CUX1: variants seen among roughly 807,000 people sequenced by gnomAD.
The protein encoded by CUX1 is protein CASP.
CUX1 carries 31 observed loss-of-function variants against 158.8 expected under a neutral mutation model. The observed-to-expected ratio is 0.20, with a 90% CI of 0.15 to 0.26. CUX1 has a LOEUF of 0.26. Among genes scored for constraint, CUX1 ranks in the 10% least tolerant of loss-of-function variants. The probability of loss-of-function intolerance (pLI) is 1.00; values close to 1 mark genes in which losing one functional copy is unlikely to be tolerated. For missense variants in CUX1, 1,589 were observed against 2,014.6 expected, an observed-to-expected ratio of 0.79 and a Z score of 4.04; for synonymous variants, 879 against 862.1, an observed-to-expected ratio of 1.02 and a Z score of -0.34.
At chr7:102,222,817 T>TTTTTTTTTTTTTTTTTTTC (rs1797950078) in intron 20 of CUX1, among the ~76,000 whole-genome samples, 1 of 47,476 alleles carries the variant, frequency 2.1e-5, no homozygotes, top group Non-Finnish European at 4.3e-5. Flanking sequence ...GTATCTTTTT[T>TTTTTTTTTTTTTTTTTTTC]TTTTTTTTTT....
chr7:102,062,240 T>G (rs1391062839), intron 3 of CUX1, among the ~76,000 whole-genome samples: 1 of 152,156 alleles, frequency 6.6e-6, no homozygotes, highest in Non-Finnish European at 1.5e-5. Context: ...ACACCACAAG[T>G]CACGTGGCAG....
At chr7:102,193,210 C>T (rs1794462403) in intron 12 of CUX1, among the ~76,000 whole-genome samples, 1 of 152,250 alleles carries the variant, frequency 6.6e-6, no homozygotes, top group Non-Finnish European at 1.5e-5. Context: ...CTCTCTCTGG[C>T]TTCTCCTTAC....
At chr7:102,060,411 C>T (rs945784685) in intron 3 of CUX1, among the ~76,000 whole-genome samples, 4 of 151,764 alleles carry the variant, frequency 2.6e-5, no homozygotes, top group African/African-American at 4.8e-5. Flanking sequence ...GATTTATTAG[C>T]GAAGGTTAGT....
chr7:102,241,129 C>T (rs1280998558), intron 23 of CUX1, among the ~76,000 whole-genome samples: 1 of 152,166 alleles, frequency 6.6e-6, no homozygotes. Context: ...CAGTTCTCTT[C>T]ATTCTACAGA....
At chr7:102,166,803 A>G (rs782086846) in intron 9 of CUX1, among the ~76,000 whole-genome samples, 12 of 151,802 alleles carry the variant, frequency 7.9e-5, no homozygotes, top group Non-Finnish European at 1.5e-4. Context: ...TTTTTTTTCG[A>G]CGCCCTCAGG....
At chr7:102,205,007 T>G in intron 19 of CUX1, 107 bp from the exon 20 acceptor site, 1 of 668,164 alleles carries the variant, frequency 1.5e-6, no homozygotes, top group Non-Finnish European at 2.5e-6. Flanking sequence ...TGCCCGCCCC[T>G]CCCCAGGAGG....
chr7:102,204,973 G>A (rs1050790907), intron 19 of CUX1, 141 bp from the exon 20 acceptor site: 20 of 633,996 alleles, frequency 3.2e-5, no homozygotes, highest in Admixed American at 5.6e-5. Flanking sequence ...CAACAGCAGC[G>A]CCTCCCCGGC....
intron 2 of CUX1, among the ~76,000 whole-genome samples, chr7:102,001,641 G>C (rs1476637902): frequency 6.6e-6 from 1 of 152,204 alleles, no homozygotes; most frequent in Non-Finnish European, 1.5e-5. Flanking sequence ...ACCGCGCCCG[G>C]CCCCGTTTGG....
At chr7:102,060,287 A>AG (rs1824647591) in intron 3 of CUX1, among the ~76,000 whole-genome samples, 1 of 151,890 alleles carries the variant, frequency 6.6e-6, no homozygotes. Flanking sequence ...CAAAAAAAAA[A>AG]AATGTTGCTT....
chr7:102,273,617 C>G (rs1197961747), intron 15 of CUX1: 4 of 1,220,122 alleles, frequency 3.3e-6, no homozygotes, highest in Non-Finnish European at 3.4e-6. Flanking sequence ...GAAGGGCTGT[C>G]ACCTAAAACC....
At position 101,916,080 on chromosome 7, in the gene CUX1, A is replaced by T; in HGVS notation, c.31-35A>T. On this transcript the variant is annotated intron_variant, in intron 1 of 23. Coordinates refer to ENST00000292535, the MANE Select transcript of CUX1 (RefSeq NM_181552.4). The surrounding 1 kb of genome is among the most constrained non-coding windows in gnomAD (Gnocchi z 4.4). ...CCCTCCTCTAGTACACAGTGCAATT[A>T]CAATCTCACTTTTCCTTTCCTGTTT... The T allele has an allele frequency of 6.9e-7, 1 of 1,455,502 alleles. No homozygotes were observed. The highest frequency in any genetic ancestry group is 9.7e-7 in the Non-Finnish European group (1 of 1,036,130). 90.2% of individuals were successfully genotyped at this position (1,455,502 alleles called of 1,614,324 possible).
intron 1 of CUX1, among the ~76,000 whole-genome samples, chr7:101,909,344 A>G (rs545923200): frequency 6.6e-6 from 1 of 152,160 alleles, no homozygotes; most frequent in Non-Finnish European, 1.5e-5. Flanking sequence ...TGAGGCCAGG[A>G]CTCCAGTTTA....
At chr7:102,138,547 A>G (rs150973758) in intron 8 of CUX1, among the ~76,000 whole-genome samples, 3,065 of 152,310 alleles carry the variant, frequency 0.02, 60 homozygotes, top group Non-Finnish European at 0.028. Flanking sequence ...AACCTTTTCA[A>G]AACTATATAT....
intron 2 of CUX1, among the ~76,000 whole-genome samples, chr7:101,940,986 G>A (rs1381965067): frequency 6.6e-6 from 1 of 152,228 alleles, no homozygotes; most frequent in African/African-American, 2.4e-5. Context: ...CTCTTGTAGT[G>A]AAGAGCTCCT....
intron 2 of CUX1, among the ~76,000 whole-genome samples, chr7:101,931,034 T>C (rs1185880972): frequency 6.6e-6 from 1 of 152,140 alleles, no homozygotes; most frequent in Non-Finnish European, 1.5e-5. Context: ...AGGCGGAGAT[T>C]GCAGTGAGCC....
At chr7:102,144,806 G>A (rs780350374) in intron 8 of CUX1, among the ~76,000 whole-genome samples, 2 of 151,696 alleles carry the variant, frequency 1.3e-5, no homozygotes, top group Non-Finnish European at 2.9e-5. Context: ...TTTTAATTTA[G>A]GCTGGGCGCA....
chr7:102,277,545 G>A (rs1791694414), intron 17 of CUX1, among the ~76,000 whole-genome samples: 2 of 151,836 alleles, frequency 1.3e-5, no homozygotes, highest in South Asian at 2.1e-4. Flanking sequence ...GCAGTGAGCC[G>A]AGATTGATTG....
rs976543066 is a variant in CUX1 at position 102,223,203 on chromosome 7, C to G, written c.3131-4164C>G. On this transcript the variant is annotated intron_variant, in intron 20 of 23. Transcript: ENST00000292535. ...TTTGGAGGCCAGGGTGAGAAGATCA[C>G]TCGAGGCCAAGAGTTTAAGGACCAA... 2.6e-5 allele frequency among the ~76,000 whole-genome samples: 4 copies of G among 151,784 alleles called. No individual in the cohort carries two copies. The East Asian group carries it at 7.9e-4, about 30-fold the overall frequency.
At chr7:102,105,339 C>T (rs781849478) in intron 6 of CUX1, among the ~76,000 whole-genome samples, 3 of 151,822 alleles carry the variant, frequency 2.0e-5, no homozygotes, top group Non-Finnish European at 2.9e-5. Context: ...ATGTTAATGC[C>T]CTATGTAACT....
Sources: gnomAD v4.1 joint callset for allele counts (sites outside exome capture counted in the v4.1 genomes callset) on GRCh38, gnomAD v4.1.1 for gene constraint, Gnocchi (gnomAD v3.1) non-coding constraint, MANE v1.5 for transcripts, NCBI Gene and HGNC (gene_info 2026-07-23, HGNC 2026-07-21) for gene names.